SGK3: variants seen among roughly 807,000 people sequenced by gnomAD.
SGK3 encodes the protein serum/glucocorticoid regulated kinase family member 3.
In SGK3, 47 loss-of-function variants were observed where a neutral mutation model predicts 68.5. The ratio of observed to expected loss-of-function variants is 0.69; its 90% CI spans 0.54 to 0.87. The LOEUF (loss-of-function observed/expected upper bound fraction) is 0.87. Ranked by LOEUF, SGK3 falls within the 40% of genes least tolerant of loss-of-function variation. SGK3 has a pLI of 0.00. For synonymous variants in SGK3, 181 were observed against 189.1 expected (o/e 0.96, Z 0.35); for missense variants, 479 against 575.5 (o/e 0.83, Z 1.72).
At chr8:66,713,010 G>A (rs190606908) in intron 1 of SGK3, among the ~76,000 whole-genome samples, 177 bp downstream of exon 1, 2 of 152,310 alleles carry the variant, frequency 1.3e-5, no homozygotes, top group African/African-American at 4.8e-5. Flanking sequence ...TTGTTTCCAC[G>A]AGGTGAATTC....
chr8:66,778,242 A>G (rs1806798482), intron 1 of SGK3, among the ~76,000 whole-genome samples: 2 of 152,246 alleles, frequency 1.3e-5, no homozygotes, highest in South Asian at 2.1e-4. Flanking sequence ...GCACACACAC[A>G]TTTCAGTTTC....
At chr8:66,817,429 CA>C (rs974054531) in intron 5 of SGK3, among the ~76,000 whole-genome samples, 10 of 137,672 alleles carry the variant, frequency 7.3e-5, no homozygotes, top group African/African-American at 1.0e-4. Flanking sequence ...GACTCCATCT[CA>C]AAAAAAAAAC....
At chr8:66,806,551 G>A (rs1053082335) in intron 4 of SGK3, among the ~76,000 whole-genome samples, 2 of 151,978 alleles carry the variant, frequency 1.3e-5, no homozygotes, top group Admixed American at 6.6e-5. Flanking sequence ...TGGTAGCTAC[G>A]CCTGTAATCC....
chr8:66,848,888 A>G (rs1810147314), intron 15 of SGK3, among the ~76,000 whole-genome samples: 1 of 152,188 alleles, frequency 6.6e-6, no homozygotes, highest in Non-Finnish European at 1.5e-5. Flanking sequence ...CAAAATAGCC[A>G]GTAGAATTGC....
At chr8:66,856,575 G>A (rs764550646) in intron 16 of SGK3, among the ~76,000 whole-genome samples, 13 of 152,168 alleles carry the variant, frequency 8.5e-5, no homozygotes, top group Non-Finnish European at 1.2e-4. Flanking sequence ...GGAGCATTTT[G>A]GATTTTGGAT....
Position 66,793,975 on chromosome 8 carries a change from A to T in SGK3, c.96+143A>T. On this transcript the variant is annotated intron_variant, in intron 2 of 16. Coordinates refer to ENST00000521198, the MANE Select transcript of SGK3 (RefSeq NM_001033578.3). ...ACTTCTTTCACATGATCTGTTCTCC[A>T]CAAAGTCTTCTGTGGCTACCGTAAT... 4.5e-6 allele frequency: 4 copies of T among 881,088 alleles called. No homozygotes were observed. The South Asian group carries it at 7.1e-5, about 16-fold the overall frequency. 54.6% of individuals were successfully genotyped at this position (881,088 alleles called of 1,614,324 possible). A position where few individuals can be genotyped will look rare whatever the true frequency, so the allele number is the denominator to read the frequency against.
chr8:66,756,447 T>C (rs1805976381), intron 1 of SGK3, among the ~76,000 whole-genome samples: 1 of 151,828 alleles, frequency 6.6e-6, no homozygotes, highest in African/African-American at 2.4e-5. Flanking sequence ...ACTCCATCTA[T>C]GAGGAGCACA....
chr8:66,766,550 A>T (rs977964203), intron 1 of SGK3, among the ~76,000 whole-genome samples: 4 of 152,058 alleles, frequency 2.6e-5, no homozygotes, highest in Non-Finnish European at 5.9e-5. Context: ...AAATAAATAA[A>T]ATCTCAAGAT....
chr8:66,738,752 C>T (rs556962041), intron 1 of SGK3, among the ~76,000 whole-genome samples: 4 of 152,176 alleles, frequency 2.6e-5, no homozygotes, highest in South Asian at 2.1e-4. Context: ...CTCAGCCTCC[C>T]GAGTAGCTGG....
At chr8:66,837,287 T>A (rs2130712717) in intron 10 of SGK3, among the ~76,000 whole-genome samples, 1 of 152,334 alleles carries the variant, frequency 6.6e-6, no homozygotes, top group South Asian at 2.1e-4. Flanking sequence ...ATAGGTATTG[T>A]CATATCTTTA....
Position 66,835,848 on chromosome 8 carries a change from T to TA in SGK3, c.609+6dup. On this transcript the variant is annotated splice_region_variant and intron_variant, in intron 9 of 16. Coordinates refer to ENST00000521198, the MANE Select transcript of SGK3 (RefSeq NM_001033578.3). ...AAAATAGTTCTCAACAGAAAAGAGG[T>TA]AAAATAAAATAGTTGTTTCTCTCAA... 1 of 1,610,012 alleles carries TA rather than the reference T, an allele frequency of 6.2e-7. No homozygotes were observed. Among genetic ancestry groups the TA allele is most frequent in the South Asian group, 1.1e-5 (1 of 89,756 alleles).
chr8:66,790,468 C>T (rs989886493), intron 1 of SGK3, among the ~76,000 whole-genome samples: 4 of 152,306 alleles, frequency 2.6e-5, no homozygotes, highest in Non-Finnish European at 2.9e-5. Context: ...TACCCAAGTA[C>T]CTACATGTAG....
chr8:66,773,221 G>A (rs1417569168), intron 1 of SGK3, among the ~76,000 whole-genome samples: 1 of 152,134 alleles, frequency 6.6e-6, no homozygotes, highest in African/African-American at 2.4e-5. Context: ...GGGAAATGTA[G>A]GTTAGGATCA....
In SGK3 at chr8:66,860,839, A is replaced by T. The variant is rs1810722711; in HGVS notation, c.*1258A>T. On this transcript the variant is annotated 3_prime_UTR_variant, in exon 17 of 17. Coordinates refer to ENST00000521198, the MANE Select transcript of SGK3 (RefSeq NM_001033578.3). ...TGCCTAATTGGGAATTAAAAAGTAAAATAATAGGCCAGGCATGGTGGCTCA... is the reference window on the plus strand; with the variant it reads ...TGCCTAATTGGGAATTAAAAAGTAATATAATAGGCCAGGCATGGTGGCTCA... 6.6e-6 allele frequency: 1 copy of T among 152,170 alleles called. No individual in the cohort carries two copies. Among genetic ancestry groups the T allele is most frequent in the East Asian group, 1.9e-4 (1 of 5,194 alleles). The allele number at this position is 152,170 out of a possible 1,614,324, so 9.4% of individuals were successfully genotyped here. A position where few individuals can be genotyped will look rare whatever the true frequency, so the allele number is the denominator to read the frequency against.
chr8:66,828,557 A>T, intron 6 of SGK3, 97 bp from the exon 7 acceptor site: 1 of 1,563,388 alleles, frequency 6.4e-7, no homozygotes. Context: ...CAACAAACCA[A>T]ATATTTGTGG....
At chr8:66,737,600 G>A (rs1311011564) in intron 1 of SGK3, 1 of 152,224 alleles carries the variant, frequency 6.6e-6, no homozygotes, top group Non-Finnish European at 1.5e-5. Context: ...CTCCTACCCG[G>A]ACCCAGACCC....
chr8:66,796,460 C>T (rs1807700008), intron 2 of SGK3, among the ~76,000 whole-genome samples: 1 of 150,840 alleles, frequency 6.6e-6, no homozygotes, highest in South Asian at 2.1e-4. Flanking sequence ...CCACCACACC[C>T]AGCCTGAATT....
chr8:66,855,627 A>G (rs1810480625), intron 16 of SGK3, among the ~76,000 whole-genome samples: 1 of 152,228 alleles, frequency 6.6e-6, no homozygotes, highest in African/African-American at 2.4e-5. Flanking sequence ...TAACACCTAA[A>G]GCATTCTTAC....
chr8:66,845,662 A>G (rs1282129334), intron 14 of SGK3, among the ~76,000 whole-genome samples: 2 of 151,892 alleles, frequency 1.3e-5, no homozygotes, highest in African/African-American at 2.4e-5. Flanking sequence ...AGTAGCTTGG[A>G]CTACAGGCAT....
Sources: gnomAD v4.1 joint callset for allele counts (sites outside exome capture counted in the v4.1 genomes callset) on GRCh38, gnomAD v4.1.1 for gene constraint, MANE v1.5 for transcripts, NCBI Gene and HGNC (gene_info 2026-07-23, HGNC 2026-07-21) for gene names.